The following RNF220 variants were observed in gnomAD, a reference collection of about 807,000 sequenced individuals.
RNF220 encodes ring finger protein 220, also known as E3 ubiquitin-protein ligase RNF220.
Under a neutral mutation model 67.1 loss-of-function variants are expected in RNF220, and 7 were observed. That is an observed-to-expected ratio of 0.10 (90% confidence interval 0.06 to 0.20). The LOEUF (loss-of-function observed/expected upper bound fraction) is 0.20. Among genes scored for constraint, RNF220 ranks in the 10% least tolerant of loss-of-function variants. The pLI is 1.00. For missense variants in RNF220, 565 were observed against 740.3 expected (o/e 0.76, Z 2.75); for synonymous variants, 270 against 283.2 (o/e 0.95, Z 0.47).
chr1:44,447,085 AAAG>A (rs1364250189), intron 2 of RNF220, among the ~76,000 whole-genome samples: 1 of 152,236 alleles, frequency 6.6e-6, no homozygotes, highest in East Asian at 1.9e-4. Flanking sequence ...ATTTCCTAAA[AAAG>A]CAAATCATTT....
intron 2 of RNF220, among the ~76,000 whole-genome samples, chr1:44,564,082 G>C (rs1040442236): frequency 6.6e-6 from 1 of 152,236 alleles, no homozygotes; most frequent in African/African-American, 2.4e-5. Flanking sequence ...AATGGCCCCA[G>C]TTTCTTCTGT....
At position 44,649,879 on chromosome 1, in the gene RNF220, C is replaced by A; in HGVS notation, c.1555-4C>A. On this transcript the variant is annotated splice_region_variant and splice_polypyrimidine_tract_variant and intron_variant, in intron 13 of 14. Coordinates refer to ENST00000361799, the MANE Select transcript of RNF220 (RefSeq NM_018150.4). This position sits in a 1 kb window ranked among gnomAD's most constrained non-coding sequence, Gnocchi z 5.9. ...TGACCCCTTCTCTGCCCCCTCCTCCCTAGGACTCGTACTCGATGCCCCTAA... is the reference window on the plus strand; with the variant it reads ...TGACCCCTTCTCTGCCCCCTCCTCCATAGGACTCGTACTCGATGCCCCTAA... The A allele has an allele frequency of 6.2e-7, 1 of 1,614,028 alleles. No individual in the cohort carries two copies. Among genetic ancestry groups the A allele is most frequent in the South Asian group, 1.1e-5 (1 of 91,086 alleles).
At chr1:44,473,392 T>G (rs1053096352) in intron 2 of RNF220, among the ~76,000 whole-genome samples, 1 of 145,788 alleles carries the variant, frequency 6.9e-6, no homozygotes, top group Non-Finnish European at 1.5e-5. Flanking sequence ...TCTGACTAAT[T>G]AAAGTCAGAC....
chr1:44,650,318 G>T lies in RNF220; in HGVS notation c.1629+361G>T, dbSNP rs930784221. Reference sequence around the variant, plus strand: ...CCCCTCCCATTACTAAGCTCCTTCTGCTCCTGCCCCTGTTCTTCGCTCAGG... The same window carrying T: ...CCCCTCCCATTACTAAGCTCCTTCTTCTCCTGCCCCTGTTCTTCGCTCAGG... On this transcript the variant is annotated intron_variant, in intron 14 of 14. Coordinates refer to ENST00000361799, the MANE Select transcript of RNF220 (RefSeq NM_018150.4). This position sits in a 1 kb window ranked among gnomAD's most constrained non-coding sequence, Gnocchi z 4.3. The T allele has an allele frequency of 4.1e-6, 2 of 483,210 alleles. No homozygotes were observed. Among genetic ancestry groups the T allele is most frequent in the South Asian group, 2.5e-5 (1 of 39,884 alleles). The allele number at this position is 483,210 out of a possible 1,614,324, so 29.9% of individuals were successfully genotyped here. A position where few individuals can be genotyped will look rare whatever the true frequency, so the allele number is the denominator to read the frequency against.
chr1:44,424,955 A>G (rs1259335802), intron 2 of RNF220, among the ~76,000 whole-genome samples: 2 of 152,224 alleles, frequency 1.3e-5, no homozygotes, highest in Non-Finnish European at 2.9e-5. Flanking sequence ...ATGCTTTGCC[A>G]GCCTCCTCTG....
At chr1:44,627,594 T>C (rs1643994874) in intron 5 of RNF220, among the ~76,000 whole-genome samples, 1 of 152,064 alleles carries the variant, frequency 6.6e-6, no homozygotes, top group Non-Finnish European at 1.5e-5. Context: ...AAAACTTTTG[T>C]CTAAGGAGAG....
intron 2 of RNF220, among the ~76,000 whole-genome samples, chr1:44,426,738 A>G (rs1196513759): frequency 1.2e-4 from 18 of 151,852 alleles, no homozygotes; most frequent in African/African-American, 2.7e-4. Context: ...AAAAAAAAAA[A>G]AAAGAAAGAA....
chr1:44,543,595 G>A (rs1278928881), intron 2 of RNF220, among the ~76,000 whole-genome samples: 3 of 152,038 alleles, frequency 2.0e-5, no homozygotes, highest in African/African-American at 4.8e-5. Flanking sequence ...GCCGGAGCAC[G>A]GAAGGGGCTA....
chr1:44,497,862 A>G (rs925906519), intron 2 of RNF220, among the ~76,000 whole-genome samples: 2 of 152,194 alleles, frequency 1.3e-5, no homozygotes, highest in Non-Finnish European at 2.9e-5. Flanking sequence ...GTTAGGATAA[A>G]TCTTTCTGCA....
chr1:44,523,301 C>T (rs530388556), intron 2 of RNF220, among the ~76,000 whole-genome samples: 11 of 152,266 alleles, frequency 7.2e-5, no homozygotes, highest in South Asian at 4.1e-4. Context: ...CAGGCTGCCC[C>T]GGGGAAGGGT....
At chr1:44,502,160 C>T (rs1657983657) in intron 2 of RNF220, among the ~76,000 whole-genome samples, 1 of 37,462 alleles carries the variant, frequency 2.7e-5, no homozygotes, top group African/African-American at 7.0e-5. Flanking sequence ...CTCTCTCTCA[C>T]ACACACACAC....
At chr1:44,551,033 C>G (rs895466593) in intron 2 of RNF220, among the ~76,000 whole-genome samples, 1 of 152,092 alleles carries the variant, frequency 6.6e-6, no homozygotes, top group South Asian at 2.1e-4. Flanking sequence ...TTGTCTTCCC[C>G]CTAAACCCTG....
At chr1:44,638,045 TG>T (rs1170693679) in intron 8 of RNF220, among the ~76,000 whole-genome samples, 2 of 151,982 alleles carry the variant, frequency 1.3e-5, no homozygotes, top group African/African-American at 2.4e-5. Flanking sequence ...GGCTCCTCAG[TG>T]GGGGGGCTAT....
chr1:44,605,529 C>T (rs1187269879), intron 2 of RNF220, among the ~76,000 whole-genome samples: 1 of 152,188 alleles, frequency 6.6e-6, no homozygotes, highest in Admixed American at 6.5e-5. Context: ...ATGCATTCTG[C>T]TACATGCTGG....
At position 44,621,835 on chromosome 1, in the gene RNF220, C is replaced by T. The variant is rs1030448308; in HGVS notation, c.759-907C>T. Among the ~76,000 whole-genome samples the T allele has an allele frequency of 3.3e-5, 5 of 152,290 alleles. No homozygotes were observed. The highest frequency in any genetic ancestry group is 6.5e-5 in the Admixed American group (1 of 15,296). ...TCATATGTGTGTCTGTGCAGGGACCCTATGTGAATGGGCTGTGTCTGCCTC... is the reference window on the plus strand; with the variant it reads ...TCATATGTGTGTCTGTGCAGGGACCTTATGTGAATGGGCTGTGTCTGCCTC... On this transcript the variant is annotated intron_variant, in intron 3 of 14. Transcript: ENST00000361799. This position sits in a 1 kb window ranked among gnomAD's most constrained non-coding sequence, Gnocchi z 4.8.
rs183701124 is a variant in RNF220, at chr1:44,634,792, C to T, written c.950-753C>T. On this transcript the variant is annotated intron_variant, in intron 6 of 14. Transcript: ENST00000361799. ...CAGTGTGCACTTTGGAACTGAGCCC[C>T]CTGTGGGACAACATGGCAGGCAGCC... is the stretch of plus-strand genomic sequence containing the variant. Among the ~76,000 whole-genome samples, 143 of 152,342 alleles carry T rather than the reference C, an allele frequency of 9.4e-4. 3 individuals carry two copies. The highest frequency in any genetic ancestry group is 9.0e-3 in the Admixed American group (138 of 15,306).
chr1:44,409,278 T>C (rs1647729371), intron 1 of RNF220, among the ~76,000 whole-genome samples: 1 of 152,238 alleles, frequency 6.6e-6, no homozygotes, highest in Non-Finnish European at 1.5e-5. Flanking sequence ...TATTTGTTGG[T>C]CCCTCCGTCC....
At chr1:44,476,597 A>G (rs1655319624) in intron 2 of RNF220, among the ~76,000 whole-genome samples, 1 of 152,126 alleles carries the variant, frequency 6.6e-6, no homozygotes, top group Admixed American at 6.6e-5. Flanking sequence ...GTGGCCCTAG[A>G]AATATTGCAA....
At chr1:44,584,737 C>T (rs1024022878) in intron 2 of RNF220, among the ~76,000 whole-genome samples, 5 of 152,178 alleles carry the variant, frequency 3.3e-5, no homozygotes, top group Admixed American at 6.5e-5. Flanking sequence ...CTCACTCTGT[C>T]GCCTAGGCTG....
Sources: allele counts gnomAD v4.1 joint callset (sites outside exome capture counted in the v4.1 genomes callset), GRCh38; gene constraint gnomAD v4.1.1; non-coding constraint Gnocchi (gnomAD v3.1); transcripts MANE v1.5; gene names NCBI Gene and HGNC (gene_info 2026-07-23, HGNC 2026-07-21).